Variants in SAG observed in about 807,000 individuals in gnomAD.
The protein encoded by SAG is S-arrestin.
In SAG, 45 loss-of-function variants were observed where a neutral mutation model predicts 55.0. The ratio of observed to expected loss-of-function variants is 0.82; its 90% CI spans 0.64 to 1.05. The LOEUF is 1.05. Ranked by LOEUF, SAG falls within the 50% of genes least tolerant of loss-of-function variation. The probability of loss-of-function intolerance (pLI) is 0.00; values close to 1 mark genes in which losing one functional copy is unlikely to be tolerated. For missense variants in SAG, 455 were observed against 512.1 expected (o/e 0.89, Z 1.08); for synonymous variants, 189 against 197.4 (o/e 0.96, Z 0.36).
In SAG at chr2:233,328,556, C is replaced by A; in HGVS notation, c.591C>A (p.Ala197=). The change falls in exon 8 of 16, where the codon GCC becomes GCA. Residue 197 remains alanine, a synonymous_variant. Coordinates refer to ENST00000409110, the MANE Select transcript of SAG (RefSeq NM_000541.5). ...EMGPQPRAEA[A]WQFFMSDKPL... ...GTCCCCAGCCCCGAGCTGAGGCGGC[C>A]TGGCAGTTCTTCATGTCTGACAAGC... 4 of 1,613,970 alleles carry A rather than the reference C, an allele frequency of 2.5e-6. No homozygotes were observed. Among genetic ancestry groups the A allele is most frequent in the Non-Finnish European group, 3.4e-6 (4 of 1,179,848 alleles).
intron 15 of SAG, 81 bp from the exon 16 acceptor site, chr2:233,346,726 T>C (rs985349249): frequency 6.1e-6 from 6 of 987,098 alleles, no homozygotes; most frequent in African/African-American, 4.8e-5. Context: ...AGTTCCTTCG[T>C]TGCAAAAAGA....
Position 233,331,662 on chromosome 2 carries a change from T to G in SAG, c.756T>G (p.Val252=). The change falls in exon 10 of 16, where the codon GTT becomes GTG. Residue 252 remains valine, a synonymous_variant. Coordinates refer to ENST00000409110, the MANE Select transcript of SAG (RefSeq NM_000541.5). ...CAGTGGAACAGGTGGCCAATGTGGT[T>G]CTCTACTCGAGTGATTATTACGTCA... ...KAFVEQVANV[V]LYSSDYYVKP... 1 of 1,613,708 alleles carries G rather than the reference T, an allele frequency of 6.2e-7. No homozygotes were observed. The highest frequency in any genetic ancestry group is 1.1e-5 in the South Asian group (1 of 91,052).
chr2:233,332,060 G>T, intron 10 of SAG: 1 of 298,990 alleles, frequency 3.3e-6, no homozygotes, highest in Non-Finnish European at 6.4e-6. Context: ...CCTCCCAGAA[G>T]ATGGTCAAAT....
intron 14 of SAG, 32 bp from the exon 15 acceptor site, chr2:233,346,371 T>C: frequency 6.2e-7 from 1 of 1,611,744 alleles, no homozygotes; most frequent in African/African-American, 1.3e-5. Flanking sequence ...TCTCTCCCTC[T>C]TCCCTGCCTC....
Position 233,319,468 on chromosome 2 carries a change from G to T in SAG, c.181+673G>T. 1 of 505,558 alleles carries T rather than the reference G, an allele frequency of 2.0e-6. No homozygotes were observed. Among genetic ancestry groups the T allele is most frequent in the Non-Finnish European group, 2.6e-6 (1 of 386,856 alleles). 31.3% of individuals were successfully genotyped at this position (505,558 alleles called of 1,614,324 possible). On this transcript the variant is annotated intron_variant, in intron 4 of 15. Coordinates refer to ENST00000409110, the MANE Select transcript of SAG (RefSeq NM_000541.5). This position sits in a 1 kb window ranked among gnomAD's most constrained non-coding sequence, Gnocchi z 4.4. Reference sequence around the variant, plus strand: ...AGATTCCAGCTATCCTTGTGATAATGTCACTGACTCAGTTCCATTCTAAAT... The same window carrying T: ...AGATTCCAGCTATCCTTGTGATAATTTCACTGACTCAGTTCCATTCTAAAT...
chr2:233,310,052 G>A (rs982593698), intron 2 of SAG, among the ~76,000 whole-genome samples: 6 of 152,210 alleles, frequency 3.9e-5, no homozygotes, highest in Admixed American at 2.0e-4. Flanking sequence ...CAGGGCCATT[G>A]GATAAGGGAA....
chr2:233,327,535 C>CT (rs143230331), intron 7 of SAG: 10,914 of 189,772 alleles, frequency 0.058, 397 homozygotes, highest in South Asian at 0.093. Flanking sequence ...ATTTTAACCA[C>CT]TTTTTTTTCT....
chr2:233,342,174 G>A, intron 13 of SAG, 97 bp from the exon 14 acceptor site: 1 of 904,780 alleles, frequency 1.1e-6, no homozygotes, highest in South Asian at 1.5e-5. Flanking sequence ...CTTGGGCCTG[G>A]GGATCTTTTG....
chr2:233,346,950 T>C lies in SAG; in HGVS notation c.*38T>C, dbSNP rs889592954. The C allele has an allele frequency of 2.5e-6, 3 of 1,213,920 alleles. No homozygotes were observed. Among genetic ancestry groups the C allele is most frequent in the Admixed American group, 1.8e-5 (1 of 54,192 alleles). 75.2% of individuals were successfully genotyped at this position (1,213,920 alleles called of 1,614,324 possible). ...AGGATGCCGGAAAATGACCTGTAGT[T>C]ACCAGTGCAACGAGCAAAGCCCCAC... On this transcript the variant is annotated 3_prime_UTR_variant, in exon 16 of 16. Transcript: ENST00000409110.
intron 14 of SAG, 38 bp downstream of exon 14, chr2:233,342,364 G>C: frequency 6.8e-7 from 1 of 1,471,572 alleles, no homozygotes; most frequent in South Asian, 1.2e-5. Flanking sequence ...TTAATTATTT[G>C]CTACTTGCAG....
chr2:233,331,983 C>T (rs1700781171), intron 10 of SAG: 2 of 447,566 alleles, frequency 4.5e-6, no homozygotes, highest in Admixed American at 4.2e-5. Flanking sequence ...GAAATGTCAC[C>T]ATGGGATCAG....
chr2:233,318,954 G>A (rs754199712), intron 4 of SAG, 159 bp downstream of exon 4: 1 of 748,830 alleles, frequency 1.3e-6, no homozygotes, highest in East Asian at 2.5e-5. Flanking sequence ...CCACACTCCT[G>A]TACCTAATTC....
Position 233,346,999 on chromosome 2 carries a change from T to C in SAG, c.*87T>C. The C allele has an allele frequency of 1.4e-6, 1 of 724,816 alleles. No homozygotes were observed. Among genetic ancestry groups the C allele is most frequent in the Non-Finnish European group, 2.4e-6 (1 of 418,048 alleles). 44.9% of individuals were successfully genotyped at this position (724,816 alleles called of 1,614,324 possible). A position where few individuals can be genotyped will look rare whatever the true frequency, so the allele number is the denominator to read the frequency against. On this transcript the variant is annotated 3_prime_UTR_variant, in exon 16 of 16. Coordinates refer to ENST00000409110, the MANE Select transcript of SAG (RefSeq NM_000541.5). ...ACAGTTTAGTCCTTTGGAGTTATGCTGCGTATGAAAGGATGAGTCTTCTTC... is the reference window on the plus strand; with the variant it reads ...ACAGTTTAGTCCTTTGGAGTTATGCCGCGTATGAAAGGATGAGTCTTCTTC...
intron 13 of SAG, 106 bp from the exon 14 acceptor site, chr2:233,342,165 T>C (rs986983450): frequency 1.5e-5 from 12 of 812,378 alleles, no homozygotes; most frequent in Non-Finnish European, 2.4e-5. Flanking sequence ...GTCTTTCAGC[T>C]TGGGCCTGGG....
chr2:233,346,400 C>T lies in SAG; in HGVS notation c.1103-3C>T, dbSNP rs1170753319. ...CTGCCTCCCTTTTATTCCATGCTTA[C>T]AGCTAAGGAAAGGTGAGTGAGCCTC... On this transcript the variant is annotated splice_region_variant and splice_polypyrimidine_tract_variant and intron_variant, in intron 14 of 15. Transcript: ENST00000409110. The T allele has an allele frequency of 1.9e-6, 3 of 1,613,654 alleles. No individual in the cohort carries two copies. The highest frequency in any genetic ancestry group is 2.5e-6 in the Non-Finnish European group (3 of 1,179,680).
At position 233,320,803 on chromosome 2, in the gene SAG, AC is replaced by A; in HGVS notation, c.356del (p.Thr119SerfsTer6). 6.3e-7 allele frequency: 1 copy of A among 1,598,662 alleles called. No homozygotes were observed. The highest frequency in any genetic ancestry group is 1.1e-5 in the South Asian group (1 of 88,386). ...ESLLKKLGSN[T>X]YPFLLTFPDY... Reference sequence around the variant, plus strand: ...CCTGCTTAAAAAGCTGGGGAGCAACACGTACCCCTTTCTCCTGACGGTGGGT... The same window carrying A: ...CCTGCTTAAAAAGCTGGGGAGCAACAGTACCCCTTTCTCCTGACGGTGGGT... On this transcript the variant is annotated frameshift_variant, in exon 5 of 16. Transcript: ENST00000409110. LOFTEE classifies it high-confidence loss of function.
chr2:233,313,230 C>T (rs964166481), intron 2 of SAG, among the ~76,000 whole-genome samples: 2 of 152,204 alleles, frequency 1.3e-5, no homozygotes, highest in South Asian at 4.1e-4. Context: ...GGTAGGATTT[C>T]CCCCAGGTGA....
chr2:233,341,690 T>C (rs916226524), intron 13 of SAG, among the ~76,000 whole-genome samples: 11 of 152,180 alleles, frequency 7.2e-5, no homozygotes, highest in African/African-American at 2.7e-4. Flanking sequence ...CCAGGGACTA[T>C]AGGGAGGGAA....
At chr2:233,342,096 C>T (rs1464191758) in intron 13 of SAG, among the ~76,000 whole-genome samples, 175 bp from the exon 14 acceptor site, 1 of 150,946 alleles carries the variant, frequency 6.6e-6, no homozygotes, top group Non-Finnish European at 1.5e-5. Context: ...TGCACTCCAG[C>T]CTGGGCGACA....
Sources: gnomAD v4.1 joint callset for allele counts (sites outside exome capture counted in the v4.1 genomes callset) on GRCh38, gnomAD v4.1.1 for gene constraint, Gnocchi (gnomAD v3.1) non-coding constraint, MANE v1.5 for transcripts, NCBI Gene and HGNC (gene_info 2026-07-23, HGNC 2026-07-21) for gene names.